Variants in PTPRD observed in about 807,000 individuals in gnomAD.
The protein encoded by PTPRD is protein tyrosine phosphatase receptor type D, also known as receptor-type tyrosine-protein phosphatase delta.
In PTPRD, 34 loss-of-function variants were observed where a neutral mutation model predicts 214.5. The observed-to-expected ratio is 0.16, with a 90% confidence interval of 0.12 to 0.21. PTPRD has a LOEUF of 0.21. Among genes scored for constraint, PTPRD ranks in the 10% least tolerant of loss-of-function variants. PTPRD has a pLI of 1.00. For missense variants in PTPRD, 2,545 were observed against 2,398.7 expected (o/e 1.06, Z -1.27); for synonymous variants, 1,128 against 845.7 (o/e 1.33, Z -5.79).
intron 5 of PTPRD, among the ~76,000 whole-genome samples, chr9:9,795,437 G>C (rs1487820547): frequency 6.6e-6 from 1 of 152,008 alleles, no homozygotes; most frequent in Non-Finnish European, 1.5e-5. Context: ...GAAGCATTTG[G>C]ATAGTGGAAA....
At chr9:8,555,261 G>C (rs1399206676) in intron 14 of PTPRD, among the ~76,000 whole-genome samples, 1 of 152,044 alleles carries the variant, frequency 6.6e-6, no homozygotes, top group African/African-American at 2.4e-5. Flanking sequence ...TTAAAAATTA[G>C]CCAAGCATGA....
At chr9:9,081,425 A>T (rs1305255624) in intron 10 of PTPRD, among the ~76,000 whole-genome samples, 1 of 152,112 alleles carries the variant, frequency 6.6e-6, no homozygotes, top group African/African-American at 2.4e-5. Context: ...TTATGTGGTC[A>T]ATTTTAGAAT....
intron 6 of PTPRD, among the ~76,000 whole-genome samples, chr9:9,746,741 C>G (rs1027309065): frequency 6.6e-6 from 1 of 151,568 alleles, no homozygotes; most frequent in Non-Finnish European, 1.5e-5. Flanking sequence ...AGCTCACACG[C>G]TCTGTAGGAA....
intron 9 of PTPRD, among the ~76,000 whole-genome samples, chr9:9,290,477 T>C (rs547917346): frequency 4.7e-4 from 71 of 151,718 alleles, no homozygotes; most frequent in African/African-American, 1.6e-3. Flanking sequence ...CACTTGTTGA[T>C]TTTTGTGAAA....
chr9:9,945,240 A>T (rs1482990633), intron 4 of PTPRD, among the ~76,000 whole-genome samples: 1 of 152,130 alleles, frequency 6.6e-6, no homozygotes, highest in African/African-American at 2.4e-5. Context: ...TAAAACTAAT[A>T]GGGAGGTAAA....
rs922096805 is a variant in PTPRD at position 8,504,470 on chromosome 9, T to A, written c.1678-65A>T. 4.5e-6 allele frequency: 7 copies of A among 1,540,116 alleles called. No individual in the cohort carries two copies. In the African/African-American group the frequency reaches 9.6e-5, roughly 21 times the overall value. On this transcript the variant is annotated intron_variant, in intron 22 of 45. Coordinates refer to ENST00000381196, the MANE Select transcript of PTPRD (RefSeq NM_002839.4). ...TCATGCAAATACTTTTTAATCATACTGTCTGGACCATCAGATTTCTATCAT... is the reference window on the plus strand; with the variant it reads ...TCATGCAAATACTTTTTAATCATACAGTCTGGACCATCAGATTTCTATCAT...
intron 5 of PTPRD, among the ~76,000 whole-genome samples, chr9:9,870,190 C>A (rs113801028): frequency 6.6e-6 from 1 of 151,928 alleles, no homozygotes; most frequent in Non-Finnish European, 1.5e-5. Flanking sequence ...ATGGAGACTA[C>A]TTATACAATA....
rs1171215997 is a variant in PTPRD, at chr9:8,948,421, ATATT to A, written c.-104+70272_-104+70275del. On this transcript the variant is annotated intron_variant, in intron 11 of 45. Transcript: ENST00000381196. ...TTGGGTTTAAAATATATATATATATATATTTATATATATATTTACATATATATAT... is the reference window on the plus strand; with the variant it reads ...TTGGGTTTAAAATATATATATATATATATATATATATTTACATATATATAT... Among the ~76,000 whole-genome samples, 37 of 43,258 alleles carry A rather than the reference ATATT, an allele frequency of 8.6e-4. 2 individuals are homozygous for A. Among genetic ancestry groups the A allele is most frequent in the South Asian group, 3.5e-3 (4 of 1,146 alleles). The allele number at this position is 43,258 out of a possible 152,430, so 28.4% of individuals were successfully genotyped here. A position where few individuals can be genotyped will look rare whatever the true frequency, so the allele number is the denominator to read the frequency against.
chr9:10,095,570 C>A (rs1421922168), intron 3 of PTPRD, among the ~76,000 whole-genome samples: 1 of 151,250 alleles, frequency 6.6e-6, no homozygotes, highest in Non-Finnish European at 1.5e-5. Context: ...TACCAGACAG[C>A]GTGAATAACA....
chr9:8,396,101 C>T (rs1395694425), intron 36 of PTPRD, among the ~76,000 whole-genome samples: 1 of 151,850 alleles, frequency 6.6e-6, no homozygotes, highest in African/African-American at 2.4e-5. Context: ...TACAGAAGCT[C>T]TATGTGTAGG....
intron 14 of PTPRD, among the ~76,000 whole-genome samples, chr9:8,561,672 C>A (rs568494155): frequency 6.6e-6 from 1 of 151,510 alleles, no homozygotes; most frequent in African/African-American, 2.4e-5. Flanking sequence ...AAAATTCCTG[C>A]GTCAGTGATT....
chr9:8,887,265 C>T (rs939374810), intron 11 of PTPRD, among the ~76,000 whole-genome samples: 1 of 152,128 alleles, frequency 6.6e-6, no homozygotes, highest in Non-Finnish European at 1.5e-5. Context: ...TGGTTGAGAC[C>T]CCCAAGACTG....
intron 2 of PTPRD, among the ~76,000 whole-genome samples, chr9:10,566,000 G>A (rs534686345): frequency 5.4e-4 from 82 of 151,900 alleles, no homozygotes; most frequent in African/African-American, 1.9e-3. Context: ...TATGGTATAA[G>A]GTTGTCTATT....
At chr9:8,504,551 G>C in intron 22 of PTPRD, 146 bp from the exon 23 acceptor site, 2 of 858,852 alleles carry the variant, frequency 2.3e-6, no homozygotes. Context: ...AGTATCCAGG[G>C]CTATACTAAG....
chr9:8,952,948 T>G (rs895634165), intron 11 of PTPRD, among the ~76,000 whole-genome samples: 3 of 119,426 alleles, frequency 2.5e-5, no homozygotes, highest in Non-Finnish European at 5.7e-5. Context: ...CAACTTTCAG[T>G]ATATGTTAGG....
chr9:9,765,349 T>A (rs1050915594), intron 6 of PTPRD, among the ~76,000 whole-genome samples: 1 of 152,158 alleles, frequency 6.6e-6, no homozygotes, highest in Non-Finnish European at 1.5e-5. Context: ...AGCATTACGT[T>A]TGCATGAGAT....
At chr9:9,360,465 G>A (rs1017708588) in intron 9 of PTPRD, among the ~76,000 whole-genome samples, 1 of 151,096 alleles carries the variant, frequency 6.6e-6, no homozygotes, top group Non-Finnish European at 1.5e-5. Flanking sequence ...AATAAATATT[G>A]AAAGATTTGA....
At chr9:10,197,557 G>T (rs761661390) in intron 3 of PTPRD, among the ~76,000 whole-genome samples, 2 of 152,104 alleles carry the variant, frequency 1.3e-5, no homozygotes, top group Non-Finnish European at 2.9e-5. Flanking sequence ...TAAGAAATAA[G>T]AGGTACGTTT....
chr9:10,281,753 A>C (rs550334858), intron 3 of PTPRD, among the ~76,000 whole-genome samples: 2 of 152,284 alleles, frequency 1.3e-5, no homozygotes, highest in East Asian at 1.9e-4. Flanking sequence ...ATCCTCATTA[A>C]ATTTTGAAAA....
Sources: allele counts gnomAD v4.1 joint callset (sites outside exome capture counted in the v4.1 genomes callset), GRCh38; gene constraint gnomAD v4.1.1; transcripts MANE v1.5; gene names NCBI Gene and HGNC (gene_info 2026-07-23, HGNC 2026-07-21).